The following SLC44A5 variants were observed in gnomAD, a reference collection of about 807,000 sequenced individuals.
SLC44A5 encodes the protein solute carrier family 44 member 5.
SLC44A5 carries 57 observed loss-of-function variants against 101.8 expected under a neutral mutation model. That is an observed-to-expected ratio of 0.56 (90% confidence interval 0.45 to 0.70). SLC44A5 has a LOEUF of 0.70. Ranked by LOEUF, SLC44A5 falls within the 30% of genes least tolerant of loss-of-function variation. SLC44A5 has a pLI of 0.00. For synonymous variants in SLC44A5, 281 were observed against 290.9 expected, an observed-to-expected ratio of 0.97 and a Z score of 0.35; for missense variants, 737 against 853.1, an observed-to-expected ratio of 0.86 and a Z score of 1.70.
intron 3 of SLC44A5, among the ~76,000 whole-genome samples, chr1:75,360,301 G>A (rs1031352509): frequency 1.3e-5 from 2 of 151,994 alleles, no homozygotes; most frequent in African/African-American, 4.8e-5. Flanking sequence ...ATAGTTTCAG[G>A]TATATATTTA....
chr1:75,674,982 G>C, the SLC44A5 span, among the ~76,000 whole-genome samples: 2 of 152,066 alleles, frequency 1.3e-5, no homozygotes, highest in Non-Finnish European at 2.9e-5. Flanking sequence ...GTCTGTTTTT[G>C]TACTAGTACC....
At chr1:75,405,945 C>T (rs1342128478) in intron 2 of SLC44A5, among the ~76,000 whole-genome samples, 1 of 145,046 alleles carries the variant, frequency 6.9e-6, no homozygotes, top group East Asian at 2.0e-4. Flanking sequence ...AAAAGATCAA[C>T]AAAATAGATA....
chr1:75,250,627 G>GA (rs1649490605), intron 7 of SLC44A5, among the ~76,000 whole-genome samples: 1 of 152,150 alleles, frequency 6.6e-6, no homozygotes, highest in Non-Finnish European at 1.5e-5. Flanking sequence ...TGCAATGTGT[G>GA]AAACTTCTTA....
At chr1:75,537,780 TAAATATAAA>T (rs1276782885) in intron 2 of SLC44A5, among the ~76,000 whole-genome samples, 1 of 152,226 alleles carries the variant, frequency 6.6e-6, no homozygotes, top group Non-Finnish European at 1.5e-5. Context: ...TTCTTACACA[TAAATATAAA>T]ACTTCTTTCA....
intron 6 of SLC44A5, among the ~76,000 whole-genome samples, chr1:75,267,724 A>C (rs752320661): frequency 6.6e-6 from 1 of 151,654 alleles, no homozygotes; most frequent in Non-Finnish European, 1.5e-5. Flanking sequence ...ATTTTTTAAA[A>C]TTTTTTTATT....
chr1:75,569,659 ATACCT>A (rs145255301), intron 1 of SLC44A5, among the ~76,000 whole-genome samples: 4,060 of 152,294 alleles, frequency 0.027, 165 homozygotes, highest in African/African-American at 0.093. Flanking sequence ...TCCATGAATA[ATACCT>A]GGCTAACGGT....
At chr1:75,306,488 T>C (rs1240909079) in intron 4 of SLC44A5, among the ~76,000 whole-genome samples, 2 of 152,152 alleles carry the variant, frequency 1.3e-5, no homozygotes, top group Non-Finnish European at 2.9e-5. Context: ...ATTCAAATTT[T>C]TGGTCAAGCT....
intron 4 of SLC44A5, among the ~76,000 whole-genome samples, chr1:75,321,112 C>T (rs1656109885): frequency 6.6e-6 from 1 of 152,052 alleles, no homozygotes; most frequent in African/African-American, 2.4e-5. Context: ...GCATTTGTTG[C>T]TCAGAAATCT....
chr1:75,679,104 G>C, the SLC44A5 span, among the ~76,000 whole-genome samples: 9 of 152,044 alleles, frequency 5.9e-5, no homozygotes, highest in African/African-American at 1.9e-4. Flanking sequence ...AAGAAATATG[G>C]GACTATGTGA....
chr1:75,311,436 G>T (rs564465559), intron 4 of SLC44A5, among the ~76,000 whole-genome samples: 3 of 152,238 alleles, frequency 2.0e-5, no homozygotes, highest in African/African-American at 7.2e-5. Flanking sequence ...GCATCTTAAT[G>T]TTGGGAATGA....
intron 2 of SLC44A5, among the ~76,000 whole-genome samples, chr1:75,425,687 C>A (rs2101577698): frequency 6.6e-6 from 1 of 152,290 alleles, no homozygotes; most frequent in Non-Finnish European, 1.5e-5. Flanking sequence ...CCAGTAATAA[C>A]AATGCTGTAT....
At chr1:75,244,215 G>C (rs1229549199) in intron 7 of SLC44A5, among the ~76,000 whole-genome samples, 1 of 152,018 alleles carries the variant, frequency 6.6e-6, no homozygotes, top group Non-Finnish European at 1.5e-5. Context: ...ACCTTACTCA[G>C]AGCTCACCCG....
intron 5 of SLC44A5, among the ~76,000 whole-genome samples, chr1:75,285,607 G>A (rs1377446236): frequency 6.6e-6 from 1 of 151,978 alleles, no homozygotes; most frequent in African/African-American, 2.4e-5. Flanking sequence ...AGCATTTAAT[G>A]CTATGAAGAG....
the SLC44A5 span, among the ~76,000 whole-genome samples, chr1:75,651,403 G>A: frequency 1.3e-5 from 2 of 152,062 alleles, no homozygotes; most frequent in Admixed American, 6.6e-5. Flanking sequence ...TCTCACCCAC[G>A]AGTCCATTGT....
At chr1:75,552,154 C>T (rs1671970070) in intron 1 of SLC44A5, among the ~76,000 whole-genome samples, 4 of 152,198 alleles carry the variant, frequency 2.6e-5, no homozygotes, top group East Asian at 1.9e-4. Context: ...TGATCTTGGG[C>T]AAGCCACTTA....
chr1:75,546,632 T>C (rs1671667787), intron 1 of SLC44A5, among the ~76,000 whole-genome samples: 1 of 152,220 alleles, frequency 6.6e-6, no homozygotes, highest in Non-Finnish European at 1.5e-5. Flanking sequence ...ACATTCTATG[T>C]TACTCAACCA....
chr1:75,278,721 C>A (rs1236939288), intron 5 of SLC44A5, among the ~76,000 whole-genome samples: 1 of 152,060 alleles, frequency 6.6e-6, no homozygotes, highest in African/African-American at 2.4e-5. Flanking sequence ...AATGTAGCAG[C>A]TTTAAGTGCA....
intron 2 of SLC44A5, among the ~76,000 whole-genome samples, chr1:75,478,580 A>C (rs1048309344): frequency 3.9e-5 from 6 of 152,158 alleles, no homozygotes; most frequent in African/African-American, 1.4e-4. Flanking sequence ...ATGGAAAACA[A>C]AAAAAGGCAG....
intron 13 of SLC44A5, among the ~76,000 whole-genome samples, chr1:75,224,937 AG>A (rs1370597053): frequency 1.3e-5 from 2 of 152,184 alleles, no homozygotes; most frequent in African/African-American, 4.8e-5. Flanking sequence ...AAATTTATAA[AG>A]TAAAAGTTAT....
Sources: allele counts gnomAD v4.1 joint callset (sites outside exome capture counted in the v4.1 genomes callset), GRCh38; gene constraint gnomAD v4.1.1; transcripts MANE v1.5; gene names NCBI Gene and HGNC (gene_info 2026-07-23, HGNC 2026-07-21).